Variants in CACNA2D3 observed in about 807,000 individuals in gnomAD.
CACNA2D3 encodes the protein calcium voltage-gated channel auxiliary subunit alpha2delta 3, also known as voltage-dependent calcium channel subunit alpha-2/delta-3.
Under a neutral mutation model 160.6 loss-of-function variants are expected in CACNA2D3, and 60 were observed. That is an observed-to-expected ratio of 0.37 (90% CI 0.30 to 0.46). The LOEUF (loss-of-function observed/expected upper bound fraction) is 0.46, where lower values mean the gene tolerates loss of function less well. CACNA2D3 is among the 20% of genes least tolerant of loss of function. CACNA2D3 has a pLI of 1.00. For synonymous variants in CACNA2D3, 558 were observed against 492.9 expected (o/e 1.13, Z -1.75); for missense variants, 1,205 against 1,365.0 (o/e 0.88, Z 1.85).
At chr3:54,150,777 G>A (rs561938640) in intron 2 of CACNA2D3, among the ~76,000 whole-genome samples, 169 of 152,332 alleles carry the variant, frequency 1.1e-3, no homozygotes, top group African/African-American at 4.0e-3. Context: ...TGTATTCTAA[G>A]AGGAGATAAC....
intron 27 of CACNA2D3, chr3:54,925,065 C>G (rs372903003): frequency 1.2e-6 from 2 of 1,614,000 alleles, no homozygotes; most frequent in Non-Finnish European, 1.7e-6. Context: ...ATGCAGCGTT[C>G]GAGTCTGAGG....
intron 3 of CACNA2D3, among the ~76,000 whole-genome samples, chr3:54,371,775 T>A (rs1698929908): frequency 6.6e-6 from 1 of 152,216 alleles, no homozygotes; most frequent in African/African-American, 2.4e-5. Flanking sequence ...TATTTTTTGT[T>A]CAAGTATCAG....
chr3:54,862,087 T>A (rs1699303472), intron 17 of CACNA2D3, among the ~76,000 whole-genome samples: 1 of 152,110 alleles, frequency 6.6e-6, no homozygotes, highest in Non-Finnish European at 1.5e-5. Flanking sequence ...CAGCTCAGTT[T>A]GGTAGTCGGA....
In CACNA2D3 at chr3:54,503,734, T is replaced by C. The variant is rs1701327358; in HGVS notation, c.544+80T>C. 2.3e-5 allele frequency: 31 copies of C among 1,325,636 alleles called. No homozygotes were observed. In the Admixed American group the frequency reaches 6.5e-4, roughly 28 times the overall value. 82.1% of individuals were successfully genotyped at this position (1,325,636 alleles called of 1,614,324 possible). A position where few individuals can be genotyped will look rare whatever the true frequency, so the allele number is the denominator to read the frequency against. On this transcript the variant is annotated intron_variant, in intron 5 of 37. Coordinates refer to ENST00000474759, the MANE Select transcript of CACNA2D3 (RefSeq NM_018398.3). ...AGCAGGGGCTGGCTGGTTTGGGATA[T>C]AGTTTTGGTTTGTTTCATTTTTTTT... is the stretch of plus-strand genomic sequence containing the variant.
intron 2 of CACNA2D3, among the ~76,000 whole-genome samples, chr3:54,208,079 T>G (rs760145647): frequency 3.0e-4 from 45 of 152,164 alleles, no homozygotes; most frequent in African/African-American, 9.2e-4. Context: ...GTTCTGGTGC[T>G]CTGTTTGTTG....
chr3:54,358,798 G>C (rs1031795748), intron 3 of CACNA2D3, among the ~76,000 whole-genome samples: 2 of 152,162 alleles, frequency 1.3e-5, no homozygotes, highest in Non-Finnish European at 2.9e-5. Context: ...CCAGTATTCA[G>C]TTACTAAAAG....
At chr3:54,811,868 A>G (rs922431279) in intron 13 of CACNA2D3, among the ~76,000 whole-genome samples, 4 of 152,080 alleles carry the variant, frequency 2.6e-5, no homozygotes, top group Admixed American at 2.6e-4. Context: ...TTCTGTCTTT[A>G]TTGCTCTCTG....
intron 11 of CACNA2D3, among the ~76,000 whole-genome samples, chr3:54,657,960 A>G (rs1238907659): frequency 1.3e-5 from 2 of 152,308 alleles, no homozygotes; most frequent in East Asian, 1.9e-4. Flanking sequence ...GGAAGTTGCA[A>G]TGAGCTGAGA....
At chr3:54,355,561 T>C (rs1698634621) in intron 3 of CACNA2D3, among the ~76,000 whole-genome samples, 1 of 151,582 alleles carries the variant, frequency 6.6e-6, no homozygotes, top group Admixed American at 6.6e-5. Flanking sequence ...GGAGCATGTG[T>C]TGGCCATGGG....
At chr3:54,547,697 TTAAGA>T (rs1443187610) in intron 5 of CACNA2D3, among the ~76,000 whole-genome samples, 1 of 64,874 alleles carries the variant, frequency 1.5e-5, no homozygotes, top group Non-Finnish European at 2.9e-5. Flanking sequence ...TTTTTTTTTT[TTAAGA>T]GAGACAGGGT....
chr3:55,004,747 C>A lies in CACNA2D3; in HGVS notation c.2691-16C>A, dbSNP rs1157993159. 1 of 1,591,514 alleles carries A rather than the reference C, an allele frequency of 6.3e-7. No individual in the cohort carries two copies. On this transcript the variant is annotated splice_polypyrimidine_tract_variant and intron_variant, in intron 31 of 37. Transcript: ENST00000474759. ...TTTCTCATTTAGTGAAGCTCCCTTC[C>A]ATTTCTTTCCTGTAGAATTACCCTT...
chr3:54,852,559 C>T (rs942350047), intron 17 of CACNA2D3, among the ~76,000 whole-genome samples: 5 of 152,322 alleles, frequency 3.3e-5, no homozygotes, highest in African/African-American at 9.6e-5. Context: ...GGATGGCACT[C>T]GCCTTTCCCT....
At chr3:54,818,631 G>T (rs557720628) in intron 14 of CACNA2D3, among the ~76,000 whole-genome samples, 3 of 152,250 alleles carry the variant, frequency 2.0e-5, no homozygotes, top group African/African-American at 7.2e-5. Context: ...CTGCAAAGTG[G>T]AGCATATTAT....
intron 4 of CACNA2D3, among the ~76,000 whole-genome samples, chr3:54,443,314 T>C (rs1384254924): frequency 6.6e-6 from 1 of 151,904 alleles, no homozygotes; most frequent in Non-Finnish European, 1.5e-5. Flanking sequence ...AGTTTTGTCA[T>C]ATGAAGTGTA....
At chr3:54,950,539 T>C (rs1226262825) in intron 27 of CACNA2D3, among the ~76,000 whole-genome samples, 2 of 152,210 alleles carry the variant, frequency 1.3e-5, no homozygotes, top group African/African-American at 4.8e-5. Flanking sequence ...TTTGCAATGC[T>C]TCCTCCTGTT....
intron 34 of CACNA2D3, among the ~76,000 whole-genome samples, 181 bp downstream of exon 34, chr3:55,009,624 G>A (rs778828824): frequency 6.6e-6 from 1 of 152,184 alleles, no homozygotes; most frequent in African/African-American, 2.4e-5. Context: ...GTCTGACACA[G>A]AATTCCACAG....
intron 3 of CACNA2D3, among the ~76,000 whole-genome samples, chr3:54,345,569 T>A (rs1698441013): frequency 6.6e-6 from 1 of 152,156 alleles, no homozygotes; most frequent in Non-Finnish European, 1.5e-5. Flanking sequence ...GCAGAGGAGC[T>A]GGGATCGGAG....
chr3:54,323,468 CTTTTT>C (rs11414571), intron 3 of CACNA2D3, among the ~76,000 whole-genome samples: 3 of 138,506 alleles, frequency 2.2e-5, no homozygotes, highest in African/African-American at 5.4e-5. Flanking sequence ...TTTTTCTTTT[CTTTTT>C]TTTTTTTTTT....
chr3:54,715,038 G>A (rs919505559), intron 11 of CACNA2D3, among the ~76,000 whole-genome samples: 5 of 152,156 alleles, frequency 3.3e-5, no homozygotes, highest in African/African-American at 1.2e-4. Flanking sequence ...AATCAATTCA[G>A]TTCTGACACT....
Sources: allele counts gnomAD v4.1 joint callset (sites outside exome capture counted in the v4.1 genomes callset), GRCh38; gene constraint gnomAD v4.1.1; transcripts MANE v1.5; gene names NCBI Gene and HGNC (gene_info 2026-07-23, HGNC 2026-07-21).